PDE7B: variants seen among roughly 807,000 people sequenced by gnomAD.
PDE7B encodes phosphodiesterase 7B.
Under a neutral mutation model 56.2 loss-of-function variants are expected in PDE7B, and 29 were observed. That is an observed-to-expected ratio of 0.52 (90% CI 0.38 to 0.70). The LOEUF (loss-of-function observed/expected upper bound fraction) is 0.70, where lower values mean the gene tolerates loss of function less well. Among genes scored for constraint, PDE7B ranks in the 30% least tolerant of loss-of-function variants. The probability of loss-of-function intolerance (pLI) is 0.00; values close to 1 mark genes in which losing one functional copy is unlikely to be tolerated. For synonymous variants in PDE7B, 197 were observed against 196.9 expected, an observed-to-expected ratio of 1.00 and a Z score of 0.00; for missense variants, 490 against 565.0, an observed-to-expected ratio of 0.87 and a Z score of 1.35.
At chr6:135,965,812 G>A (rs1185794997) in intron 2 of PDE7B, among the ~76,000 whole-genome samples, 2 of 152,082 alleles carry the variant, frequency 1.3e-5, no homozygotes, top group Admixed American at 6.6e-5. Context: ...AGGATTAGGA[G>A]ACAAGAGGTC....
chr6:135,930,277 C>G (rs1774272185), intron 1 of PDE7B, among the ~76,000 whole-genome samples: 1 of 152,124 alleles, frequency 6.6e-6, no homozygotes. Context: ...ACAGGAAAGA[C>G]CTGGCCCCAT....
intron 3 of PDE7B, among the ~76,000 whole-genome samples, chr6:136,143,040 T>C (rs1778354319): frequency 6.6e-6 from 1 of 152,228 alleles, no homozygotes; most frequent in Admixed American, 6.5e-5. Flanking sequence ...AGTTTCTTCC[T>C]ACCCTCAATG....
intron 1 of PDE7B, among the ~76,000 whole-genome samples, chr6:135,938,189 G>T (rs796683843): frequency 7.9e-5 from 12 of 152,048 alleles, no homozygotes; most frequent in African/African-American, 2.7e-4. Flanking sequence ...GTTCTATATT[G>T]CCTCCTGTTT....
chr6:136,035,261 A>G (rs1776308206), intron 2 of PDE7B: 1 of 152,178 alleles, frequency 6.6e-6, no homozygotes, highest in African/African-American at 2.4e-5. Context: ...AGTGAAAATT[A>G]TAGGTTTACA....
chr6:136,191,606 T>C lies in PDE7B; in HGVS notation c.1127-8T>C. 1 of 1,612,104 alleles carries C rather than the reference T, an allele frequency of 6.2e-7. No homozygotes were observed. Among genetic ancestry groups the C allele is most frequent in the Non-Finnish European group, 8.5e-7 (1 of 1,178,334 alleles). ...CTGTGATGCTGAGCCTTGACTTGCC[T>C]GTTCTAGGTTTCATGAGCTACATCG... On this transcript the variant is annotated splice_region_variant and splice_polypyrimidine_tract_variant and intron_variant, in intron 12 of 12. Transcript: ENST00000308191.
chr6:136,016,314 C>T (rs1775976213), intron 2 of PDE7B, among the ~76,000 whole-genome samples: 2 of 152,148 alleles, frequency 1.3e-5, no homozygotes, highest in Non-Finnish European at 2.9e-5. Flanking sequence ...TTCTCTTCTA[C>T]CTTCTTTTCT....
chr6:135,877,093 T>A (rs2128187952), intron 1 of PDE7B, among the ~76,000 whole-genome samples: 1 of 152,226 alleles, frequency 6.6e-6, no homozygotes, highest in Non-Finnish European at 1.5e-5. Flanking sequence ...TCTACCGAAT[T>A]CTATTTCAGT....
chr6:136,173,741 A>G, intron 8 of PDE7B, 56 bp from the exon 9 acceptor site: 1 of 1,139,616 alleles, frequency 8.8e-7, no homozygotes, highest in South Asian at 1.2e-5. Flanking sequence ...GTTCAGCATG[A>G]AAGATCAGTA....
chr6:136,153,763 A>G (rs183325274), intron 6 of PDE7B, among the ~76,000 whole-genome samples: 2 of 152,244 alleles, frequency 1.3e-5, no homozygotes, highest in Admixed American at 1.3e-4. Flanking sequence ...CTTTTCCTAC[A>G]TATTTATTTT....
At chr6:135,910,055 G>A (rs1776186442) in intron 1 of PDE7B, among the ~76,000 whole-genome samples, 2 of 152,200 alleles carry the variant, frequency 1.3e-5, no homozygotes, top group Non-Finnish European at 2.9e-5. Flanking sequence ...GTGTCTGTGG[G>A]AATAGGTGAG....
intron 8 of PDE7B, chr6:136,156,162 A>AGTGTGTGTGTGTGT (rs10625572): frequency 0.02 from 5,161 of 251,924 alleles, 162 homozygotes; most frequent in East Asian, 0.041. Flanking sequence ...GAATGATCCA[A>AGTGTGTGTGTGTGT]GTGTGTGTGT....
At chr6:136,051,531 A>G (rs1468199103) in intron 2 of PDE7B, among the ~76,000 whole-genome samples, 1 of 152,226 alleles carries the variant, frequency 6.6e-6, no homozygotes, top group East Asian at 1.9e-4. Context: ...TTATGTCAAC[A>G]TTAAGGTGTT....
At chr6:136,131,468 G>A (rs1169747494) in intron 3 of PDE7B, among the ~76,000 whole-genome samples, 3 of 138,234 alleles carry the variant, frequency 2.2e-5, no homozygotes, top group African/African-American at 8.1e-5. Context: ...CACAAGGCCT[G>A]TATGCATCCC....
chr6:135,896,775 G>A (rs184740431), intron 1 of PDE7B, among the ~76,000 whole-genome samples: 137 of 152,266 alleles, frequency 9.0e-4, no homozygotes, highest in African/African-American at 3.0e-3. Context: ...CTACCCAACA[G>A]ATCTTCAGTA....
intron 1 of PDE7B, among the ~76,000 whole-genome samples, chr6:135,862,627 A>G (rs1394291661): frequency 1.3e-5 from 2 of 151,940 alleles, no homozygotes; most frequent in East Asian, 1.9e-4. Context: ...GAAATTGCAC[A>G]TAAGTCCATC....
intron 2 of PDE7B, among the ~76,000 whole-genome samples, chr6:136,052,802 G>A (rs948012190): frequency 6.6e-6 from 1 of 152,106 alleles, no homozygotes; most frequent in Non-Finnish European, 1.5e-5. Context: ...ATACACATTG[G>A]TAAGGTGCTC....
At chr6:136,096,565 A>C (rs895378870) in intron 2 of PDE7B, among the ~76,000 whole-genome samples, 1 of 144,212 alleles carries the variant, frequency 6.9e-6, no homozygotes, top group East Asian at 2.1e-4. Context: ...TAGACAGGTT[A>C]TCACTGTATT....
chr6:136,111,990 C>T (rs1463215173), intron 3 of PDE7B, among the ~76,000 whole-genome samples: 1 of 152,162 alleles, frequency 6.6e-6, no homozygotes, highest in Admixed American at 6.5e-5. Flanking sequence ...CACTCCCCAG[C>T]TCTGCATCCC....
At chr6:135,945,404 C>A (rs767419729) in intron 1 of PDE7B, among the ~76,000 whole-genome samples, 6 of 152,138 alleles carry the variant, frequency 3.9e-5, no homozygotes, top group Non-Finnish European at 7.3e-5. Context: ...CTGTATCCAA[C>A]CTCCTTCCTC....
Sources: gnomAD v4.1 joint callset for allele counts (sites outside exome capture counted in the v4.1 genomes callset) on GRCh38, gnomAD v4.1.1 for gene constraint, MANE v1.5 for transcripts, NCBI Gene and HGNC (gene_info 2026-07-23, HGNC 2026-07-21) for gene names.